Variants in MRPS5 observed in about 807,000 individuals in gnomAD.
MRPS5 encodes the protein small ribosomal subunit protein uS5m.
In MRPS5, 27 loss-of-function variants were observed where a neutral mutation model predicts 51.9. The ratio of observed to expected loss-of-function variants is 0.52; its 90% CI spans 0.38 to 0.72. The LOEUF is 0.72. Ranked by LOEUF, MRPS5 falls within the 30% of genes least tolerant of loss-of-function variation. The pLI is 0.00. For synonymous variants in MRPS5, 196 were observed against 193.2 expected, an observed-to-expected ratio of 1.01 and a Z score of -0.12; for missense variants, 570 against 545.7, an observed-to-expected ratio of 1.04 and a Z score of -0.44.
At chr2:95,093,105 A>G (rs1383671364) in intron 10 of MRPS5, 8 of 152,280 alleles carry the variant, frequency 5.3e-5, no homozygotes, top group Non-Finnish European at 1.0e-4. Flanking sequence ...GCTCACTGCT[A>G]GCGCAGCAGT....
chr2:95,096,132 C>A (rs1416584541), intron 10 of MRPS5, among the ~76,000 whole-genome samples: 1 of 152,068 alleles, frequency 6.6e-6, no homozygotes, highest in Non-Finnish European at 1.5e-5. Context: ...CAGACTAAAC[C>A]AGGAAGAAGT....
Position 95,085,726 on chromosome 2 carries a change from T to C in MRPS5, c.*1631A>G, listed in dbSNP as rs1320161666. 6.6e-6 allele frequency among the ~76,000 whole-genome samples: 1 copy of C among 152,008 alleles called. No individual in the cohort carries two copies. The highest frequency in any genetic ancestry group is 1.9e-4 in the East Asian group (1 of 5,170). ...AGTAACGAGGCAGTGCCCCATCCCA[T>C]ACCAGCACCGTCAGAGGAAGCATGC... On this transcript the variant is annotated 3_prime_UTR_variant, in exon 12 of 12. Transcript: ENST00000272418.
intron 1 of MRPS5, among the ~76,000 whole-genome samples, chr2:95,120,526 A>G (rs1254328536): frequency 6.6e-6 from 1 of 152,218 alleles, no homozygotes; most frequent in African/African-American, 2.4e-5. Flanking sequence ...CTCTGGTGAT[A>G]TACTAAAAAC....
chr2:95,092,321 C>T (rs1675490931), intron 10 of MRPS5: 1 of 152,230 alleles, frequency 6.6e-6, no homozygotes, highest in Admixed American at 6.5e-5. Context: ...GGGAACACCA[C>T]ACCCTCCATT....
chr2:95,110,109 GAAT>G, intron 3 of MRPS5, 68 bp from the exon 4 acceptor site: 2 of 1,546,448 alleles, frequency 1.3e-6, no homozygotes, highest in Non-Finnish European at 1.7e-6. Flanking sequence ...ATCTCCTATT[GAAT>G]AATAAGAGAA....
Position 95,117,932 on chromosome 2 carries a change from C to T in MRPS5, c.72G>A (p.Gly24=). Residue 24 remains glycine, a synonymous_variant, in exon 2 of 12, where the codon GGG becomes GGA. Coordinates refer to ENST00000272418, the MANE Select transcript of MRPS5 (RefSeq NM_031902.5). ...LCSGTAGHLL[G]RQCSLNTLPA... is the part of the protein sequence containing the mutation. ...GTAAGGTGTTTAGGGAACACTGCCT[C>T]CCCAATAAATGACCTGCAAATTGGA... The T allele has an allele frequency of 1.9e-6, 3 of 1,599,904 alleles. No individual in the cohort carries two copies. The highest frequency in any genetic ancestry group is 2.5e-6 in the Non-Finnish European group (3 of 1,176,720).
At chr2:95,090,176 C>CAAA (rs35901146) in intron 11 of MRPS5, among the ~76,000 whole-genome samples, 18 of 43,514 alleles carry the variant, frequency 4.1e-4, no homozygotes, top group South Asian at 9.2e-4. Context: ...GACTCCGTCT[C>CAAA]AAAAAAAAAA....
intron 7 of MRPS5, among the ~76,000 whole-genome samples, chr2:95,102,563 G>A (rs1489100641): frequency 6.6e-6 from 1 of 152,204 alleles, no homozygotes; most frequent in African/African-American, 2.4e-5. Context: ...TCAAGAGGCT[G>A]AGGTGGCAGG....
At chr2:95,112,578 T>C (rs1033730216) in intron 3 of MRPS5, among the ~76,000 whole-genome samples, 2 of 152,212 alleles carry the variant, frequency 1.3e-5, no homozygotes, top group Non-Finnish European at 2.9e-5. Flanking sequence ...AGTGTGTCCT[T>C]CTATTTCTTG....
chr2:95,101,319 G>A (rs1201874180), intron 8 of MRPS5, among the ~76,000 whole-genome samples: 3 of 151,866 alleles, frequency 2.0e-5, no homozygotes, highest in Non-Finnish European at 2.9e-5. Flanking sequence ...AGGAGGCGGA[G>A]GTTGCAGTGA....
rs1675345578 is a variant in MRPS5 at position 95,087,952 on chromosome 2, C to A, written c.1069-371G>T. Among the ~76,000 whole-genome samples the A allele has an allele frequency of 2.2e-5, 3 of 136,810 alleles. No homozygotes were observed. The Admixed American group carries it at 2.5e-4, about 11-fold the overall frequency. 89.8% of individuals were successfully genotyped at this position (136,810 alleles called of 152,430 possible). On this transcript the variant is annotated intron_variant, in intron 11 of 11. Transcript: ENST00000272418. ...GGGAGATAAGACACTAAGGACCCTA[C>A]AGGTATTTTAGTCAGCAACAGGCCA...
In MRPS5 at chr2:95,100,528, C is replaced by G. The variant is rs780690154; in HGVS notation, c.877G>C (p.Asp293His). 1.9e-6 allele frequency: 3 copies of G among 1,605,796 alleles called. No homozygotes were observed. In the South Asian group the frequency reaches 3.3e-5, roughly 18 times the overall value. Residue 293 changes from aspartate to histidine, a missense_variant, in exon 10 of 12, where the codon GAT becomes CAT. Asp to His is a moderately conservative substitution (Grantham distance 81). Coordinates refer to ENST00000272418, the MANE Select transcript of MRPS5 (RefSeq NM_031902.5). ...ERYEDHTIFH[D>H]ISLRFKRTHI... ...GTCCTTTTAAATCTTAATGAAATAT[C>G]ATGGAATACTGGAGGGTAAAAACAT...
rs1169781561 is a variant in MRPS5, at chr2:95,086,302, A to C, written c.*1055T>G. Among the ~76,000 whole-genome samples the C allele has an allele frequency of 1.3e-5, 2 of 152,232 alleles. No individual in the cohort carries two copies. Among genetic ancestry groups the C allele is most frequent in the East Asian group, 3.8e-4 (2 of 5,200 alleles). On this transcript the variant is annotated 3_prime_UTR_variant, in exon 12 of 12. Coordinates refer to ENST00000272418, the MANE Select transcript of MRPS5 (RefSeq NM_031902.5). ...ACTCTTGAAGCCATTTAAAGAAAAA[A>C]AAAGTCTCAGCAAATAGCCTCAGCA...
At chr2:95,118,215 T>G (rs1676346189) in intron 1 of MRPS5, among the ~76,000 whole-genome samples, 1 of 152,198 alleles carries the variant, frequency 6.6e-6, no homozygotes, top group Non-Finnish European at 1.5e-5. Context: ...CAATGCCCCT[T>G]CTTTGCTCAA....
At chr2:95,114,120 CAAA>C (rs1002543941) in intron 3 of MRPS5, among the ~76,000 whole-genome samples, 11 of 43,040 alleles carry the variant, frequency 2.6e-4, no homozygotes, top group African/African-American at 1.0e-3. Flanking sequence ...CTCCATCTCC[CAAA>C]AAAAAAAAAA....
intron 5 of MRPS5, 98 bp from the exon 6 acceptor site, chr2:95,106,555 AG>A (rs1675956867): frequency 2.0e-6 from 2 of 1,006,520 alleles, no homozygotes; most frequent in Non-Finnish European, 1.6e-6. Flanking sequence ...CCTTTCGGGG[AG>A]AAAGAATCTC....
At chr2:95,121,862 C>T (rs1418140605), upstream of MRPS5, 16 of 1,456,336 alleles carry the variant, frequency 1.1e-5, no homozygotes, top group African/African-American at 1.5e-5. Context: ...GACTGCTCCT[C>T]GTCAAACGGC....
At chr2:95,101,009 GT>G in intron 8 of MRPS5, 115 bp from the exon 9 acceptor site, 1 of 830,170 alleles carries the variant, frequency 1.2e-6, no homozygotes, top group Non-Finnish European at 1.9e-6. Context: ...ACGCAAAAAG[GT>G]TAGTATATAC....
At chr2:95,105,749 G>A (rs1193165247) in intron 6 of MRPS5, among the ~76,000 whole-genome samples, 1 of 152,114 alleles carries the variant, frequency 6.6e-6, no homozygotes, top group Non-Finnish European at 1.5e-5. Context: ...CTGTAAGTGG[G>A]AATACCAAAG....
Sources: gnomAD v4.1 joint callset for allele counts (sites outside exome capture counted in the v4.1 genomes callset) on GRCh38, gnomAD v4.1.1 for gene constraint, MANE v1.5 for transcripts, NCBI Gene and HGNC (gene_info 2026-07-23, HGNC 2026-07-21) for gene names.